Variants in MIS18A observed in about 807,000 individuals in gnomAD.
MIS18A encodes MIS18 kinetochore protein A, also known as protein Mis18-alpha.
In MIS18A, 14 loss-of-function variants were observed where a neutral mutation model predicts 25.0. The ratio of observed to expected loss-of-function variants is 0.56; its 90% confidence interval spans 0.37 to 0.88. The LOEUF (loss-of-function observed/expected upper bound fraction) is 0.88. Ranked by LOEUF, MIS18A falls within the 40% of genes least tolerant of loss-of-function variation. The pLI is 0.00. For synonymous variants in MIS18A, 134 were observed against 118.6 expected (o/e 1.13, Z -0.84); for missense variants, 292 against 290.8 (o/e 1.00, Z -0.03).
At chr21:32,212,650 C>T in the MIS18A span, among the ~76,000 whole-genome samples, 1 of 152,150 alleles carries the variant, frequency 6.6e-6, no homozygotes, top group Non-Finnish European at 1.5e-5. Flanking sequence ...TATGGTTTGG[C>T]TGTGTCCCCA....
chr21:32,165,064 T>C, the MIS18A span, among the ~76,000 whole-genome samples: 2 of 152,210 alleles, frequency 1.3e-5, no homozygotes, highest in Non-Finnish European at 2.9e-5. Context: ...CCGGGCACGG[T>C]GGCTCATGCC....
the MIS18A span, among the ~76,000 whole-genome samples, chr21:32,235,724 C>T: frequency 7.9e-5 from 12 of 152,150 alleles, no homozygotes; most frequent in African/African-American, 1.4e-4. Context: ...GTGGAGACAC[C>T]GCGTTCAGGC....
chr21:32,164,356 G>A, the MIS18A span, among the ~76,000 whole-genome samples: 4 of 152,146 alleles, frequency 2.6e-5, no homozygotes, highest in Non-Finnish European at 1.5e-5. Context: ...AATTACCGGC[G>A]TGAGAGTACT....
At chr21:32,266,273 T>G (rs1301409148), downstream of MIS18A, among the ~76,000 whole-genome samples, 1 of 152,152 alleles carries the variant, frequency 6.6e-6, no homozygotes, top group African/African-American at 2.4e-5. Flanking sequence ...AACCTTTGTA[T>G]CTAGCTCAGG....
chr21:32,209,247 A>G, the MIS18A span, among the ~76,000 whole-genome samples: 4 of 152,198 alleles, frequency 2.6e-5, no homozygotes, highest in African/African-American at 9.7e-5. Context: ...AGCACATGTT[A>G]AAGCATTTTA....
the MIS18A span, among the ~76,000 whole-genome samples, chr21:32,259,541 T>C: frequency 6.6e-6 from 1 of 152,228 alleles, no homozygotes; most frequent in African/African-American, 2.4e-5. Flanking sequence ...CAGGACGGCA[T>C]CTGACTGTGT....
chr21:32,199,016 C>T, the MIS18A span, among the ~76,000 whole-genome samples: 1 of 151,970 alleles, frequency 6.6e-6, no homozygotes, highest in African/African-American at 2.4e-5. Context: ...GATTCATATG[C>T]ACATTAAGGT....
the MIS18A span, among the ~76,000 whole-genome samples, chr21:32,248,318 G>A: frequency 6.6e-6 from 1 of 152,142 alleles, no homozygotes. Flanking sequence ...GAGATTCAAG[G>A]ATATTAAGCA....
At chr21:32,193,502 AGATAGATAGATAGATAGATG>A in the MIS18A span, among the ~76,000 whole-genome samples, 3 of 102,954 alleles carry the variant, frequency 2.9e-5, no homozygotes, top group African/African-American at 1.1e-4. Context: ...ATAGATAGAT[AGATAGATAGATAGATAGATG>A]GATAGATCGA....
At chr21:32,217,192 C>A in the MIS18A span, among the ~76,000 whole-genome samples, 4 of 151,960 alleles carry the variant, frequency 2.6e-5, no homozygotes, top group Non-Finnish European at 5.9e-5. Context: ...GGACTTTAAA[C>A]CACCTATTTT....
intron 2 of MIS18A, among the ~76,000 whole-genome samples, chr21:32,271,345 C>T (rs545101076): frequency 7.6e-4 from 116 of 152,316 alleles, no homozygotes; most frequent in Non-Finnish European, 1.3e-3. Context: ...TATTCTAACT[C>T]CTACTCAGTA....
the MIS18A span, among the ~76,000 whole-genome samples, chr21:32,199,669 A>C: frequency 6.6e-6 from 1 of 152,082 alleles, no homozygotes. Context: ...TTAGCCAGGC[A>C]TGGTGACACG....
At chr21:32,169,801 C>G in the MIS18A span, among the ~76,000 whole-genome samples, 5 of 151,984 alleles carry the variant, frequency 3.3e-5, no homozygotes, top group African/African-American at 4.8e-5. Flanking sequence ...TGGCCACACA[C>G]AACAAAGAAT....
chr21:32,184,906 C>A, the MIS18A span, among the ~76,000 whole-genome samples: 1 of 152,124 alleles, frequency 6.6e-6, no homozygotes, highest in African/African-American at 2.4e-5. Context: ...CAGCCAACTC[C>A]CTAGCTTGGG....
At chr21:32,229,685 C>T in the MIS18A span, among the ~76,000 whole-genome samples, 8,696 of 152,268 alleles carry the variant, frequency 0.057, 329 homozygotes, top group Middle Eastern at 0.12. Flanking sequence ...CAGAAAAGAG[C>T]TTAATTTACA....
the MIS18A span, among the ~76,000 whole-genome samples, chr21:32,198,723 C>T: frequency 1.3e-5 from 2 of 152,176 alleles, no homozygotes; most frequent in African/African-American, 2.4e-5. Context: ...GCAAAGGGGC[C>T]GAAGACCCAG....
chr21:32,234,857 C>T, the MIS18A span, among the ~76,000 whole-genome samples: 1 of 152,300 alleles, frequency 6.6e-6, no homozygotes, highest in East Asian at 1.9e-4. Context: ...TATAAATTAC[C>T]CAGCCTTGGG....
chr21:32,252,030 T>C, the MIS18A span, among the ~76,000 whole-genome samples: 5 of 151,918 alleles, frequency 3.3e-5, no homozygotes, highest in African/African-American at 9.7e-5. Context: ...AAAAAGAAAA[T>C]GAAAAATTAT....
the MIS18A span, among the ~76,000 whole-genome samples, chr21:32,172,483 G>T: frequency 6.6e-6 from 1 of 151,982 alleles, no homozygotes; most frequent in African/African-American, 2.4e-5. Flanking sequence ...AAAACATCAT[G>T]TTGTACACCC....
Sources: allele counts gnomAD v4.1 joint callset (sites outside exome capture counted in the v4.1 genomes callset), GRCh38; gene constraint gnomAD v4.1.1; transcripts MANE v1.5; gene names NCBI Gene and HGNC (gene_info 2026-07-23, HGNC 2026-07-21).